Variants in SLC26A5 observed in about 807,000 individuals in gnomAD.
The protein encoded by SLC26A5 is prestin.
A neutral mutation model predicts 81.0 loss-of-function variants in SLC26A5; 51 were observed. The ratio of observed to expected loss-of-function variants is 0.63; its 90% CI spans 0.50 to 0.80. The LOEUF is 0.80. Among genes scored for constraint, SLC26A5 ranks in the 30% least tolerant of loss-of-function variants. The probability of loss-of-function intolerance (pLI) is 0.00; values close to 1 mark genes in which losing one functional copy is unlikely to be tolerated. For synonymous variants in SLC26A5, 325 were observed against 332.8 expected (o/e 0.98, Z 0.25); for missense variants, 771 against 905.8 (o/e 0.85, Z 1.91).
chr7:103,400,068 T>C (rs1268847400), intron 8 of SLC26A5, among the ~76,000 whole-genome samples: 1 of 151,846 alleles, frequency 6.6e-6, no homozygotes, highest in African/African-American at 2.4e-5. Context: ...TGATTTATAA[T>C]CCTTTGGGTA....
chr7:103,421,409 C>T lies in SLC26A5; in HGVS notation c.106G>A (p.Asp36Asn). The T allele has an allele frequency of 6.2e-7, 1 of 1,614,062 alleles. No individual in the cohort carries two copies. The highest frequency in any genetic ancestry group is 8.5e-7 in the Non-Finnish European group (1 of 1,179,994). Residue 36 changes from aspartate (D) to asparagine (N), a missense_variant, in exon 3 of 20, where the codon GAC becomes AAC. By Grantham distance (23) the Asp-to-Asn change is conservative. Transcript: ENST00000306312. ...TCCGCAATGGAATCAGGAACCTTGT[C>T]CTTTGTGTGTAGTCTTTCCTGGAGG... is the stretch of plus-strand genomic sequence containing the variant. ...PVLQERLHTKDKVPDSIADKL... is the reference protein window; with the variant it reads ...PVLQERLHTKNKVPDSIADKL...
rs188044463 is a variant in SLC26A5, at chr7:103,418,993, G to A, written c.292+1745C>T. ...CCGGATAGGAGGTAATTGAATCATG[G>A]GGGCGGGTCTTTCCCATGCTGTCCT... On this transcript the variant is annotated intron_variant, in intron 4 of 19. Coordinates refer to ENST00000306312, the MANE Select transcript of SLC26A5 (RefSeq NM_198999.3). 4.5e-4 allele frequency among the ~76,000 whole-genome samples: 69 copies of A among 152,230 alleles called. No individual in the cohort carries two copies. The East Asian group carries it at 0.011, about 25-fold the overall frequency.
chr7:103,364,434 A>T (rs192934546), intron 19 of SLC26A5: 57 of 1,043,210 alleles, frequency 5.5e-5, no homozygotes, highest in Admixed American at 1.6e-4. Context: ...GTTGAGACAG[A>T]GTCTCATTGT....
intron 2 of SLC26A5, among the ~76,000 whole-genome samples, chr7:103,437,689 A>T (rs1394992502): frequency 6.6e-6 from 1 of 152,236 alleles, no homozygotes; most frequent in African/African-American, 2.4e-5. Context: ...GTACAGAAAG[A>T]CAAATACCAC....
intron 5 of SLC26A5, among the ~76,000 whole-genome samples, chr7:103,412,780 A>G (rs1321872109): frequency 6.6e-6 from 1 of 151,828 alleles, no homozygotes; most frequent in Non-Finnish European, 1.5e-5. Context: ...CGAACTACTG[A>G]CCTCAGACGA....
At chr7:103,438,368 C>A (rs1368496209) in intron 2 of SLC26A5, among the ~76,000 whole-genome samples, 1 of 150,518 alleles carries the variant, frequency 6.6e-6, no homozygotes, top group African/African-American at 2.5e-5. Flanking sequence ...AAAAAAATTT[C>A]TTTATATTGA....
rs769510158 is a variant in SLC26A5 at position 103,408,021 on chromosome 7, C to T, written c.736-18G>A. On this transcript the variant is annotated intron_variant, in intron 7 of 19. Transcript: ENST00000306312. ...ACTGTACTCTGTAACACAGTGAATG[C>T]TGGATGTTTACATCAAGAAATCGCC... 1.2e-5 allele frequency: 20 copies of T among 1,613,926 alleles called. No individual in the cohort carries two copies. In the South Asian group the frequency reaches 1.8e-4, roughly 14 times the overall value.
chr7:103,353,800 T>C, intron 19 of SLC26A5: 1 of 820,914 alleles, frequency 1.2e-6, no homozygotes, highest in Admixed American at 2.4e-5. Context: ...ATAATCTTGC[T>C]TGATTTTTGA....
At chr7:103,356,341 T>C (rs1207414154) in intron 19 of SLC26A5, among the ~76,000 whole-genome samples, 1 of 152,232 alleles carries the variant, frequency 6.6e-6, no homozygotes, top group Admixed American at 6.5e-5. Flanking sequence ...TGTTTCTCAG[T>C]GTATGTGCAT....
rs778976650 is a variant in SLC26A5, at chr7:103,421,343, C to A, written c.152+20G>T. The A allele has an allele frequency of 1.2e-6, 2 of 1,613,726 alleles. No homozygotes were observed. Among genetic ancestry groups the A allele is most frequent in the Admixed American group, 1.7e-5 (1 of 59,994 alleles). ...TAACTGAATGATACAATAACAGAAA[C>A]AGGTTAAAAGGCAACGTACGTGAAT... On this transcript the variant is annotated intron_variant, in intron 3 of 19. Transcript: ENST00000306312.
chr7:103,363,226 T>G, intron 19 of SLC26A5: 3 of 770,686 alleles, frequency 3.9e-6, no homozygotes, highest in Non-Finnish European at 6.3e-6. Flanking sequence ...GTATTCAATT[T>G]TTATTAAAAT....
At chr7:103,425,466 T>TGA (rs997887706) in intron 2 of SLC26A5, among the ~76,000 whole-genome samples, 2 of 152,012 alleles carry the variant, frequency 1.3e-5, no homozygotes, top group Admixed American at 6.6e-5. Flanking sequence ...GCTTAGAATC[T>TGA]GAGAGAGAGA....
intron 19 of SLC26A5, among the ~76,000 whole-genome samples, chr7:103,355,239 T>C (rs528220587): frequency 3.3e-5 from 5 of 152,302 alleles, no homozygotes; most frequent in African/African-American, 1.2e-4. Context: ...GTCAAAAAAC[T>C]TTTTTGGATA....
rs555283097 is a variant in SLC26A5 at position 103,398,622 on chromosome 7, G to A, written c.889-608C>T. ...ATTGGCAGGGCATAGATTTACTTGG[G>A]GTGTAAAGTACAATCCCTAATGAGT... On this transcript the variant is annotated intron_variant, in intron 8 of 19. Coordinates refer to ENST00000306312, the MANE Select transcript of SLC26A5 (RefSeq NM_198999.3). Among the ~76,000 whole-genome samples, 4 of 152,180 alleles carry A rather than the reference G, an allele frequency of 2.6e-5. No individual in the cohort carries two copies. The East Asian group carries it at 7.7e-4, about 29-fold the overall frequency.
chr7:103,367,444 C>T lies in SLC26A5; in HGVS notation c.2041+9364G>A, dbSNP rs2116274156. 6.2e-7 allele frequency: 1 copy of T among 1,613,872 alleles called. No individual in the cohort carries two copies. The highest frequency in any genetic ancestry group is 8.5e-7 in the Non-Finnish European group (1 of 1,179,988). ...GTTTTGATGATGGTGCTGGAGGTGA[C>T]AATGAAGTGCAGAGAACAATGTTGG... On this transcript the variant is annotated intron_variant, in intron 19 of 19. Transcript: ENST00000339444. This position sits in a 1 kb window ranked among gnomAD's most constrained non-coding sequence, Gnocchi z 6.1.
Position 103,386,173 on chromosome 7 carries a change from C to T in SLC26A5, c.1514+2835G>A, listed in dbSNP as rs149983050. On this transcript the variant is annotated intron_variant, in intron 14 of 19. Transcript: ENST00000306312. ...CTTGAACACCTGACCTCAAATGATCCGCTTGCCTCAGTCTCCCAAAGTGCT... is the reference window on the plus strand; with the variant it reads ...CTTGAACACCTGACCTCAAATGATCTGCTTGCCTCAGTCTCCCAAAGTGCT... 7.6e-3 allele frequency among the ~76,000 whole-genome samples: 1,150 copies of T among 151,962 alleles called. 13 individuals are homozygous for T. Among genetic ancestry groups the T allele is most frequent in the African/African-American group, 0.027 (1,101 of 41,434 alleles).
At position 103,367,688 on chromosome 7, in the gene SLC26A5, T is replaced by C; in HGVS notation, c.2041+9120A>G. 6.2e-7 allele frequency: 1 copy of C among 1,608,972 alleles called. No individual in the cohort carries two copies. Among genetic ancestry groups the C allele is most frequent in the South Asian group, 1.1e-5 (1 of 90,134 alleles). On this transcript the variant is annotated intron_variant, in intron 19 of 19. Coordinates refer to the SLC26A5 transcript ENST00000339444. The surrounding 1 kb of genome is among the most constrained non-coding windows in gnomAD (Gnocchi z 6.1). ...TTCCTGTGATTTTTTTCCATTTTAA[T>C]ATTTGTCAATTTTCTCATTTTTAGG... is the stretch of plus-strand genomic sequence containing the variant.
At chr7:103,427,755 G>A (rs1411654822) in intron 2 of SLC26A5, among the ~76,000 whole-genome samples, 1 of 152,060 alleles carries the variant, frequency 6.6e-6, no homozygotes, top group Non-Finnish European at 1.5e-5. Context: ...ACGTTGTTAT[G>A]GCAGGGTCAA....
Position 103,390,378 on chromosome 7 carries a change from C to A in SLC26A5, c.1311+51G>T, listed in dbSNP as rs752757118. ...ATAAGAACATAAACAAATAAAATAG[C>A]AAAATCTCTACACATGAAAAAAACT... On this transcript the variant is annotated intron_variant, in intron 12 of 19. Transcript: ENST00000306312. The A allele has an allele frequency of 6.7e-6, 10 of 1,493,236 alleles. No individual in the cohort carries two copies. The South Asian group carries it at 9.0e-5, about 13-fold the overall frequency. 92.5% of individuals were successfully genotyped at this position (1,493,236 alleles called of 1,614,324 possible). A position where few individuals can be genotyped will look rare whatever the true frequency, so the allele number is the denominator to read the frequency against.
Sources: allele counts gnomAD v4.1 joint callset (sites outside exome capture counted in the v4.1 genomes callset), GRCh38; gene constraint gnomAD v4.1.1; non-coding constraint Gnocchi (gnomAD v3.1); transcripts MANE v1.5; gene names NCBI Gene and HGNC (gene_info 2026-07-23, HGNC 2026-07-21).